Variants in SOCS2 observed in about 807,000 individuals in gnomAD.
The protein encoded by SOCS2 is CIS-2.
A neutral mutation model predicts 18.6 loss-of-function variants in SOCS2; 10 were observed. The ratio of observed to expected loss-of-function variants is 0.54; its 90% CI spans 0.33 to 0.91. SOCS2 has a LOEUF of 0.91. Among genes scored for constraint, SOCS2 ranks in the 40% least tolerant of loss-of-function variants. The probability of loss-of-function intolerance (pLI) is 0.02; values close to 1 mark genes in which losing one functional copy is unlikely to be tolerated. For synonymous variants in SOCS2, 104 were observed against 104.0 expected (o/e 1.00, Z 0.00); for missense variants, 231 against 247.2 (o/e 0.93, Z 0.44).
chr12:93,602,686 G>A, the SOCS2 span, among the ~76,000 whole-genome samples: 3 of 152,102 alleles, frequency 2.0e-5, no homozygotes, highest in Non-Finnish European at 4.4e-5. Flanking sequence ...TTAGGATTAT[G>A]GTCAGGGCAG....
At chr12:93,578,405 G>T (rs1954495058), downstream of SOCS2, among the ~76,000 whole-genome samples, 1 of 152,188 alleles carries the variant, frequency 6.6e-6, no homozygotes, top group Admixed American at 6.5e-5. Flanking sequence ...GCCCTTCTCA[G>T]TTGTGAGTTT....
chr12:93,616,836 G>A, the SOCS2 span, among the ~76,000 whole-genome samples: 1 of 152,182 alleles, frequency 6.6e-6, no homozygotes, highest in East Asian at 1.9e-4. Flanking sequence ...AGGAGATGGG[G>A]AAGTACATGT....
the SOCS2 span, among the ~76,000 whole-genome samples, chr12:93,595,951 A>G: frequency 5.3e-5 from 8 of 151,930 alleles, no homozygotes; most frequent in African/African-American, 1.9e-4. Context: ...AGTAGCAAAT[A>G]GAGGGCAAAA....
At position 93,573,161 on chromosome 12, in the gene SOCS2, C is replaced by A. The variant is rs1476896829; in HGVS notation, c.139+125C>A. The A allele has an allele frequency of 3.2e-6, 4 of 1,256,806 alleles. No homozygotes were observed. The South Asian group carries it at 4.1e-5, about 13-fold the overall frequency. The allele number at this position is 1,256,806 out of a possible 1,614,324, so 77.9% of individuals were successfully genotyped here. ...AATACGTCCCTTGCTTCCAAGGGAC[C>A]GCGGAGAGCACGCTCGCAGGGTCCT... is the stretch of plus-strand genomic sequence containing the variant. On this transcript the variant is annotated intron_variant, in intron 1 of 1. Coordinates refer to ENST00000551556, the MANE Select transcript of SOCS2 (RefSeq NM_001270471.2).
At chr12:93,573,122 A>AAG (rs774511869) in intron 1 of SOCS2, 86 bp downstream of exon 1, 1 of 1,493,226 alleles carries the variant, frequency 6.7e-7, no homozygotes, top group South Asian at 1.2e-5. Flanking sequence ...GTGGGAAGCA[A>AAG]AGAATAAGAT....
the SOCS2 span, among the ~76,000 whole-genome samples, chr12:93,611,874 TC>T: frequency 8.5e-5 from 13 of 152,202 alleles, no homozygotes; most frequent in Non-Finnish European, 8.8e-5. Context: ...ATTTTTTTTT[TC>T]ATCTATCACA....
rs941441236 is a variant in SOCS2 at position 93,573,351 on chromosome 12, G to A, written c.139+315G>A. On this transcript the variant is annotated intron_variant, in intron 1 of 1. Coordinates refer to ENST00000551556, the MANE Select transcript of SOCS2 (RefSeq NM_001270471.2). The stretch of plus-strand genomic sequence containing the variant: ...GCTCCCGGGCTCGAACCCCGGCCGG[G>A]GAAAGCGTCGGGCGCCTCCCTTTGC... 7.9e-6 allele frequency: 4 copies of A among 503,906 alleles called. No homozygotes were observed. In the Admixed American group the frequency reaches 1.1e-4, roughly 14 times the overall value. The allele number at this position is 503,906 out of a possible 1,614,324, so 31.2% of individuals were successfully genotyped here. A position where few individuals can be genotyped will look rare whatever the true frequency, so the allele number is the denominator to read the frequency against.
the SOCS2 span, among the ~76,000 whole-genome samples, chr12:93,618,112 A>T: frequency 0.051 from 7,779 of 151,470 alleles, 451 homozygotes; most frequent in African/African-American, 0.14. Flanking sequence ...GGCACCTCCC[A>T]CTCTCTCTTC....
At chr12:93,571,799 C>G, upstream of SOCS2, 3 of 407,760 alleles carry the variant, frequency 7.4e-6, no homozygotes, top group South Asian at 5.0e-5. Context: ...AGGGCAGACG[C>G]CCCTCCTCTC....
At chr12:93,578,168 T>C (rs1273678790), downstream of SOCS2, among the ~76,000 whole-genome samples, 1 of 152,174 alleles carries the variant, frequency 6.6e-6, no homozygotes, top group Non-Finnish European at 1.5e-5. Context: ...CAGTTCAGCT[T>C]ATGAGATGAG....
chr12:93,624,491 G>C, the SOCS2 span, among the ~76,000 whole-genome samples: 22,577 of 151,852 alleles, frequency 0.15, 2,412 homozygotes, highest in East Asian at 0.37. Context: ...AGAATCACTT[G>C]AATCCGGGAG....
the SOCS2 span, among the ~76,000 whole-genome samples, chr12:93,593,800 A>C: frequency 6.6e-6 from 1 of 152,214 alleles, no homozygotes; most frequent in Non-Finnish European, 1.5e-5. Context: ...AAACAAACAA[A>C]CAAAAATCAA....
At chr12:93,625,873 G>T in the SOCS2 span, among the ~76,000 whole-genome samples, 2 of 151,904 alleles carry the variant, frequency 1.3e-5, no homozygotes, top group African/African-American at 4.8e-5. Context: ...GTTGCTCTGC[G>T]TCAGAACCCT....
the SOCS2 span, among the ~76,000 whole-genome samples, chr12:93,609,602 T>TGG: frequency 6.6e-6 from 1 of 152,070 alleles, no homozygotes; most frequent in Admixed American, 6.5e-5. Flanking sequence ...AATAATAATT[T>TGG]GTAACTATGG....
Position 93,575,126 on chromosome 12 carries a change from C to A in SOCS2, c.544C>A (p.Pro182Thr), listed in dbSNP as rs1954424792. 6.3e-7 allele frequency: 1 copy of A among 1,584,470 alleles called. No individual in the cohort carries two copies. Among genetic ancestry groups the A allele is most frequent in the African/African-American group, 1.4e-5 (1 of 73,450 alleles). ...NKCTGAIWGL[P>T]LPTRLKDYLE... Reference sequence around the variant, plus strand: ...ATGTACCGGTGCCATCTGGGGACTGCCTTTACCAACAAGACTAAAAGATTA... The same window carrying A: ...ATGTACCGGTGCCATCTGGGGACTGACTTTACCAACAAGACTAAAAGATTA... The change falls in exon 2 of 2, where the codon CCT becomes ACT. Residue 182 changes from proline (P) to threonine (T), a missense_variant. Coordinates refer to ENST00000551556, the MANE Select transcript of SOCS2 (RefSeq NM_001270471.2).
intron 1 of SOCS2, 61 bp from the exon 2 acceptor site, chr12:93,574,661 A>C: frequency 7.4e-6 from 9 of 1,215,490 alleles, no homozygotes; most frequent in East Asian, 2.5e-5. Flanking sequence ...GCTCTGTTCT[A>C]AGAATTCTTA....
At chr12:93,572,013 G>T (rs1036513362), upstream of SOCS2, 12 of 220,904 alleles carry the variant, frequency 5.4e-5, no homozygotes, top group Non-Finnish European at 4.6e-5. The surrounding 1 kb of genome is among the most constrained non-coding windows in gnomAD (Gnocchi z 5.0). Context: ...CTGCGCGCTC[G>T]GGCCGATTCC....
downstream of SOCS2, among the ~76,000 whole-genome samples, chr12:93,584,300 G>A (rs915313086): frequency 2.6e-5 from 4 of 152,194 alleles, no homozygotes; most frequent in African/African-American, 9.7e-5. Flanking sequence ...ATTTCTCAGA[G>A]GGTCAGATAA....
At chr12:93,625,759 A>AG in the SOCS2 span, among the ~76,000 whole-genome samples, 2 of 151,908 alleles carry the variant, frequency 1.3e-5, no homozygotes, top group Non-Finnish European at 1.5e-5. Context: ...AAAAAAAAAA[A>AG]AAAAAAAGAG....
Sources: gnomAD v4.1 joint callset for allele counts (sites outside exome capture counted in the v4.1 genomes callset) on GRCh38, gnomAD v4.1.1 for gene constraint, Gnocchi (gnomAD v3.1) non-coding constraint, MANE v1.5 for transcripts, NCBI Gene and HGNC (gene_info 2026-07-23, HGNC 2026-07-21) for gene names.